CACHD1: variants seen among roughly 807,000 people sequenced by gnomAD.
CACHD1 encodes the protein VWFA and cache domain-containing protein 1.
In CACHD1, 71 loss-of-function variants were observed where a neutral mutation model predicts 138.7. That is an observed-to-expected ratio of 0.51 (90% CI 0.42 to 0.62). The LOEUF is 0.62. CACHD1 is among the 20% of genes least tolerant of loss of function. The probability of loss-of-function intolerance (pLI) is 0.00; values close to 1 mark genes in which losing one functional copy is unlikely to be tolerated. For synonymous variants in CACHD1, 578 were observed against 591.5 expected, an observed-to-expected ratio of 0.98 and a Z score of 0.33; for missense variants, 1,389 against 1,625.3, an observed-to-expected ratio of 0.85 and a Z score of 2.50.
intron 1 of CACHD1, among the ~76,000 whole-genome samples, chr1:64,491,773 T>C (rs747251471): frequency 1.3e-5 from 2 of 152,040 alleles, no homozygotes; most frequent in Non-Finnish European, 2.9e-5. Context: ...TGCACCACCA[T>C]GTCCAGCTAA....
At chr1:64,524,241 G>A (rs184018060) in intron 1 of CACHD1, among the ~76,000 whole-genome samples, 293 of 152,266 alleles carry the variant, frequency 1.9e-3, no homozygotes, top group African/African-American at 6.8e-3. Flanking sequence ...TTAGATAAAA[G>A]GAGGAGCAGC....
intron 2 of CACHD1, among the ~76,000 whole-genome samples, chr1:64,560,061 A>C (rs941531618): frequency 3.9e-5 from 6 of 152,192 alleles, no homozygotes; most frequent in Non-Finnish European, 8.8e-5. Flanking sequence ...CAAGTCAATA[A>C]AACCAAATGC....
At chr1:64,487,724 C>T (rs569997869) in intron 1 of CACHD1, among the ~76,000 whole-genome samples, 9 of 152,236 alleles carry the variant, frequency 5.9e-5, no homozygotes, top group South Asian at 2.1e-4. Flanking sequence ...GGTGGTGTTA[C>T]GTCAACCATA....
At chr1:64,609,860 A>G (rs781397154) in intron 4 of CACHD1, among the ~76,000 whole-genome samples, 3 of 152,168 alleles carry the variant, frequency 2.0e-5, no homozygotes, top group Non-Finnish European at 2.9e-5. Flanking sequence ...GACATATTGT[A>G]TTAGTCCACT....
chr1:64,652,368 G>A (rs1308297550), intron 10 of CACHD1, 58 bp downstream of exon 10: 3 of 1,436,368 alleles, frequency 2.1e-6, no homozygotes, highest in Admixed American at 2.2e-5. Flanking sequence ...AGAAAATAAG[G>A]TATAGATATT....
intron 19 of CACHD1, among the ~76,000 whole-genome samples, chr1:64,674,034 AG>A (rs1649904080): frequency 6.6e-6 from 1 of 152,208 alleles, no homozygotes; most frequent in East Asian, 1.9e-4. Flanking sequence ...GTTGGGAGAA[AG>A]CTAAAATGGG....
intron 1 of CACHD1, among the ~76,000 whole-genome samples, chr1:64,534,707 C>T (rs186443100): frequency 1.3e-5 from 2 of 152,224 alleles, no homozygotes; most frequent in Admixed American, 6.5e-5. Context: ...TGGGGCTGGC[C>T]CATAGCCTGT....
chr1:64,636,997 C>T (rs1648545176), intron 7 of CACHD1, among the ~76,000 whole-genome samples: 1 of 152,120 alleles, frequency 6.6e-6, no homozygotes, highest in Non-Finnish European at 1.5e-5. Context: ...TATCCACAAG[C>T]CAATATTATG....
At chr1:64,556,132 C>G (rs1433605473) in intron 2 of CACHD1, among the ~76,000 whole-genome samples, 1 of 152,180 alleles carries the variant, frequency 6.6e-6, no homozygotes. Context: ...AGGTCAAGGT[C>G]TCCAGATTAT....
chr1:64,678,205 G>A lies in CACHD1; in HGVS notation c.3139G>A (p.Asp1047Asn). The A allele has an allele frequency of 6.2e-7, 1 of 1,612,574 alleles. No individual in the cohort carries two copies. Among genetic ancestry groups the A allele is most frequent in the South Asian group, 1.1e-5 (1 of 90,650 alleles). ...TTGTGAATGGTGCATGGTGGACAGT[G>A]ATGGAAAGACTCACCTGGACAAACC... ...LDCEWCMVDS[D>N]GKTHLDKPYC... is the part of the protein sequence containing the mutation. The change falls in exon 23 of 27, where the codon GAT becomes AAT. Residue 1047 changes from aspartate to asparagine, a missense_variant. By Grantham distance (23) the Asp-to-Asn change is conservative (BLOSUM62 1). This residue lies in a region of CACHD1 where 250 missense variants were observed against 292.9 expected (regional missense o/e 0.85). Transcript: ENST00000651257.
At chr1:64,596,255 TTTAAC>T in intron 3 of CACHD1, among the ~76,000 whole-genome samples, 2 of 152,348 alleles carry the variant, frequency 1.3e-5, no homozygotes, top group South Asian at 4.1e-4. Flanking sequence ...TCTTTCTTTG[TTTAAC>T]TTTATTCTCA....
chr1:64,569,585 G>A (rs998535169), intron 2 of CACHD1, among the ~76,000 whole-genome samples: 8 of 152,154 alleles, frequency 5.3e-5, no homozygotes, highest in African/African-American at 1.7e-4. Context: ...TTGCGGCAGG[G>A]CAGGAAGAGA....
In CACHD1 at chr1:64,664,636, G is replaced by C; in HGVS notation, c.2233G>C (p.Gly745Arg). The C allele has an allele frequency of 6.2e-7, 1 of 1,614,138 alleles. No homozygotes were observed. The highest frequency in any genetic ancestry group is 1.7e-5 in the Admixed American group (1 of 60,022). The change falls in exon 15 of 27, where the codon GGT becomes CGT. Residue 745 changes from glycine to arginine, a missense_variant. This residue lies in a region of CACHD1 where 1,000 missense variants were observed against 1,114.7 expected (regional missense o/e 0.90). Transcript: ENST00000651257. ...TPNGVLRIYP[G>R]SLMDKAFDPT... ...CAATGGCGTCCTCAGAATTTATCCT[G>C]GTTCCCTCATGGACAAAGCATTTGA...
At chr1:64,559,343 G>A (rs574952394) in intron 2 of CACHD1, among the ~76,000 whole-genome samples, 85 of 152,168 alleles carry the variant, frequency 5.6e-4, no homozygotes, top group Non-Finnish European at 1.0e-3. Flanking sequence ...TCTTTTGCAG[G>A]AACATGGATG....
At chr1:64,619,862 C>T (rs572865129) in intron 4 of CACHD1, among the ~76,000 whole-genome samples, 8 of 152,070 alleles carry the variant, frequency 5.3e-5, no homozygotes, top group Non-Finnish European at 1.0e-4. Context: ...GTTATAATAA[C>T]TGTATGGACA....
intron 13 of CACHD1, 67 bp from the exon 14 acceptor site, chr1:64,663,628 A>C (rs1421988809): frequency 6.3e-7 from 1 of 1,591,288 alleles, no homozygotes; most frequent in African/African-American, 1.3e-5. Flanking sequence ...AGCCCGAGTG[A>C]TGCCTTTGTT....
At chr1:64,584,507 C>G (rs2100543297) in intron 3 of CACHD1, among the ~76,000 whole-genome samples, 1 of 152,294 alleles carries the variant, frequency 6.6e-6, no homozygotes, top group South Asian at 2.1e-4. Context: ...AGGAGCAACT[C>G]AACAATTGCC....
Position 64,470,787 on chromosome 1 carries a change from G to A in CACHD1, c.43G>A (p.Ala15Thr), listed in dbSNP as rs1375097089. 9.3e-7 allele frequency: 1 copy of A among 1,076,544 alleles called. No homozygotes were observed. The highest frequency in any genetic ancestry group is 1.3e-6 in the Non-Finnish European group (1 of 742,100). The allele number at this position is 1,076,544 out of a possible 1,614,324, so 66.7% of individuals were successfully genotyped here. ...PEEEETAVAR[A>T]RRPPLWLLCL... Reference sequence around the variant, plus strand: ...GGAAGAGGAGACGGCCGTGGCCCGGGCGCGGCGGCCGCCCCTCTGGCTGCT... The same window carrying A: ...GGAAGAGGAGACGGCCGTGGCCCGGACGCGGCGGCCGCCCCTCTGGCTGCT... Residue 15 changes from alanine (A) to threonine (T), a missense_variant, in exon 1 of 27, where the codon GCG becomes ACG. Ala to Thr is a moderately conservative substitution (Grantham distance 58). Around this residue, in one of 5 missense-constraint regions of CACHD1, gnomAD observed 1,000 missense variants for 1,114.7 expected, o/e 0.90. Transcript: ENST00000651257. The surrounding 1 kb of genome is among the most constrained non-coding windows in gnomAD (Gnocchi z 5.2).
intron 1 of CACHD1, among the ~76,000 whole-genome samples, chr1:64,477,082 C>G (rs1646178250): frequency 6.6e-6 from 1 of 152,176 alleles, no homozygotes; most frequent in South Asian, 2.1e-4. Context: ...TTAAATCACT[C>G]TGAACTTTAG....
Sources: gnomAD v4.1 joint callset for allele counts (sites outside exome capture counted in the v4.1 genomes callset) on GRCh38, gnomAD v4.1.1 for gene constraint, gnomAD v4.1.1 regional missense constraint, Gnocchi (gnomAD v3.1) non-coding constraint, MANE v1.5 for transcripts, NCBI Gene and HGNC (gene_info 2026-07-23, HGNC 2026-07-21) for gene names.